SLC24A2: variants seen among roughly 807,000 people sequenced by gnomAD.
SLC24A2 encodes the protein solute carrier family 24 member 2, also known as sodium/potassium/calcium exchanger 2.
Under a neutral mutation model 62.0 loss-of-function variants are expected in SLC24A2, and 36 were observed. That is an observed-to-expected ratio of 0.58 (90% CI 0.44 to 0.77). The LOEUF (loss-of-function observed/expected upper bound fraction) is 0.77, where lower values mean the gene tolerates loss of function less well. Ranked by LOEUF, SLC24A2 falls within the 30% of genes least tolerant of loss-of-function variation. SLC24A2 has a pLI of 0.00. For missense variants in SLC24A2, 846 were observed against 817.9 expected, an observed-to-expected ratio of 1.03 and a Z score of -0.42; for synonymous variants, 358 against 294.0, an observed-to-expected ratio of 1.22 and a Z score of -2.23.
chr9:20,051,950 T>G, the SLC24A2 span, among the ~76,000 whole-genome samples: 1 of 152,082 alleles, frequency 6.6e-6, no homozygotes, highest in African/African-American at 2.4e-5. Context: ...ATGTAAACTC[T>G]GGATAATAAT....
intron 7 of SLC24A2, among the ~76,000 whole-genome samples, chr9:19,555,085 T>A (rs1054368840): frequency 2.6e-5 from 4 of 152,190 alleles, no homozygotes; most frequent in African/African-American, 9.7e-5. Context: ...TCTTGGTGTT[T>A]ATAGGAAATT....
the SLC24A2 span, among the ~76,000 whole-genome samples, chr9:20,146,784 C>T: frequency 2.6e-5 from 4 of 152,074 alleles, no homozygotes. Flanking sequence ...GCAAGAGATA[C>T]CCTTGATCTG....
chr9:19,854,656 G>C, the SLC24A2 span, among the ~76,000 whole-genome samples: 1 of 152,078 alleles, frequency 6.6e-6, no homozygotes, highest in African/African-American at 2.4e-5. Flanking sequence ...TGTGGTCAGA[G>C]AGACTGTTAT....
chr9:20,100,849 C>T, the SLC24A2 span, among the ~76,000 whole-genome samples: 7 of 152,252 alleles, frequency 4.6e-5, no homozygotes, highest in South Asian at 1.2e-3. Context: ...CCTCCTACTA[C>T]CTGACCCCCT....
In SLC24A2 at chr9:19,566,053, G is replaced by A. The variant is rs1019001651; in HGVS notation, c.1347+7298C>T. On this transcript the variant is annotated intron_variant, in intron 7 of 10. Coordinates refer to ENST00000341998, the MANE Select transcript of SLC24A2 (RefSeq NM_020344.4). ...GCAATACCATTCAGGACATAGGCAT[G>A]GGCAAGGACTTCATGTCTAAAACAC... Among the ~76,000 whole-genome samples the A allele has an allele frequency of 2.4e-4, 37 of 152,234 alleles. 1 individual carries two copies. Among genetic ancestry groups the A allele is most frequent in the African/African-American group, 7.2e-4 (30 of 41,520 alleles).
At chr9:20,198,163 G>A in the SLC24A2 span, among the ~76,000 whole-genome samples, 1 of 152,222 alleles carries the variant, frequency 6.6e-6, no homozygotes, top group African/African-American at 2.4e-5. Flanking sequence ...CACAGCTGCA[G>A]ATGATGAGGT....
Position 19,710,688 on chromosome 9 carries a change from C to T in SLC24A2, c.930+75249G>A, listed in dbSNP as rs183408469. Among the ~76,000 whole-genome samples the T allele has an allele frequency of 5.9e-5, 9 of 152,180 alleles. No homozygotes were observed. In the South Asian group the frequency reaches 6.2e-4, roughly 11 times the overall value. On this transcript the variant is annotated intron_variant, in intron 2 of 10. Coordinates refer to ENST00000341998, the MANE Select transcript of SLC24A2 (RefSeq NM_020344.4). ...TCATGAATGGGCCTTGTCAGCCATGCGGAGGAAGTTTCACTTCATCCAAAA... is the reference window on the plus strand; with the variant it reads ...TCATGAATGGGCCTTGTCAGCCATGTGGAGGAAGTTTCACTTCATCCAAAA...
the SLC24A2 span, among the ~76,000 whole-genome samples, chr9:19,977,482 C>T: frequency 6.6e-6 from 1 of 151,950 alleles, no homozygotes; most frequent in African/African-American, 2.4e-5. Context: ...AGAATGATGG[C>T]CTTTTCTCTC....
chr9:19,851,216 G>C, the SLC24A2 span, among the ~76,000 whole-genome samples: 1 of 148,900 alleles, frequency 6.7e-6, no homozygotes, highest in African/African-American at 2.5e-5. Flanking sequence ...GTAGAGATGG[G>C]GTTTCACGAT....
At chr9:19,873,939 T>G in the SLC24A2 span, among the ~76,000 whole-genome samples, 1 of 152,204 alleles carries the variant, frequency 6.6e-6, no homozygotes, top group Non-Finnish European at 1.5e-5. Context: ...GTGCAACTTG[T>G]TTCTCTAGAT....
chr9:20,210,017 G>C, the SLC24A2 span, among the ~76,000 whole-genome samples: 1 of 152,174 alleles, frequency 6.6e-6, no homozygotes, highest in Non-Finnish European at 1.5e-5. Flanking sequence ...CCTGCAGACA[G>C]CTTAATTGAA....
chr9:19,733,754 T>C (rs1302200441), intron 2 of SLC24A2, among the ~76,000 whole-genome samples: 2 of 152,216 alleles, frequency 1.3e-5, no homozygotes, highest in Non-Finnish European at 2.9e-5. Context: ...TCAATGGTTG[T>C]CTCTGTTGGG....
the SLC24A2 span, among the ~76,000 whole-genome samples, chr9:19,843,848 C>G: frequency 6.6e-6 from 1 of 152,168 alleles, no homozygotes; most frequent in African/African-American, 2.4e-5. Flanking sequence ...CTGCAAAGGA[C>G]ATGATTTCAT....
the SLC24A2 span, among the ~76,000 whole-genome samples, chr9:19,953,851 G>C: frequency 6.6e-6 from 1 of 151,622 alleles, no homozygotes; most frequent in African/African-American, 2.4e-5. Context: ...TAAAAACCCA[G>C]CTTATCAAAG....
chr9:19,533,276 A>C (rs1272526680), intron 8 of SLC24A2, among the ~76,000 whole-genome samples: 1 of 152,172 alleles, frequency 6.6e-6, no homozygotes, highest in Admixed American at 6.5e-5. Context: ...AGGAGGGGCA[A>C]ATATGTATTA....
At chr9:20,012,970 T>G in the SLC24A2 span, among the ~76,000 whole-genome samples, 1 of 152,130 alleles carries the variant, frequency 6.6e-6, no homozygotes, top group Non-Finnish European at 1.5e-5. Context: ...GTGAATATGT[T>G]CATACTATCC....
At chr9:19,887,744 T>A in the SLC24A2 span, among the ~76,000 whole-genome samples, 1 of 152,058 alleles carries the variant, frequency 6.6e-6, no homozygotes, top group Non-Finnish European at 1.5e-5. Context: ...AAAAATATAC[T>A]TAAATATGGA....
At chr9:20,210,509 T>C in the SLC24A2 span, among the ~76,000 whole-genome samples, 1 of 151,604 alleles carries the variant, frequency 6.6e-6, no homozygotes, top group East Asian at 1.9e-4. Flanking sequence ...GATCTCGCTC[T>C]GTCGCCCAGG....
At chr9:19,666,407 A>G (rs1292216551) in intron 2 of SLC24A2, among the ~76,000 whole-genome samples, 1 of 152,162 alleles carries the variant, frequency 6.6e-6, no homozygotes, top group Non-Finnish European at 1.5e-5. Context: ...CACTGTTTTA[A>G]AAAAATCATT....
Sources: gnomAD v4.1 joint callset for allele counts (sites outside exome capture counted in the v4.1 genomes callset) on GRCh38, gnomAD v4.1.1 for gene constraint, MANE v1.5 for transcripts, NCBI Gene and HGNC (gene_info 2026-07-23, HGNC 2026-07-21) for gene names.